The following PLD2 variants were observed in gnomAD, a reference collection of about 807,000 sequenced individuals.
PLD2 encodes choline phosphatase 2.
Under a neutral mutation model 119.8 loss-of-function variants are expected in PLD2, and 101 were observed. The ratio of observed to expected loss-of-function variants is 0.84; its 90% CI spans 0.72 to 0.99. The LOEUF is 0.99. Ranked by LOEUF, PLD2 falls within the 50% of genes least tolerant of loss-of-function variation. The pLI, the probability that PLD2 is intolerant of heterozygous loss-of-function variation, is 0.00. For missense variants in PLD2, 1,164 were observed against 1,226.8 expected, an observed-to-expected ratio of 0.95 and a Z score of 0.76; for synonymous variants, 494 against 482.8, an observed-to-expected ratio of 1.02 and a Z score of -0.30.
At chr17:4,816,556 G>A in intron 14 of PLD2, 64 bp from the exon 15 acceptor site, 1 of 1,549,982 alleles carries the variant, frequency 6.5e-7, no homozygotes, top group Non-Finnish European at 8.9e-7. Flanking sequence ...CCTCTCTTTG[G>A]CCCTGGCTCT....
chr17:4,813,113 G>T (rs1357314536), intron 10 of PLD2, among the ~76,000 whole-genome samples: 1 of 152,160 alleles, frequency 6.6e-6, no homozygotes. Context: ...GGGTTCAAGC[G>T]ATTCTCCTGC....
In PLD2 at chr17:4,808,015, T is replaced by G. The variant is rs1906046837; in HGVS notation, c.141T>G (p.Tyr47Ter). The change falls in exon 3 of 25, where the codon TAT (tyrosine) becomes TAG (stop). Residue 47 changes from tyrosine to a stop codon, truncating the protein, a stop_gained. Coordinates refer to ENST00000263088, the MANE Select transcript of PLD2 (RefSeq NM_002663.5). LOFTEE classifies it high-confidence loss of function. This position sits in a 1 kb window ranked among gnomAD's most constrained non-coding sequence, Gnocchi z 4.1. ...GGATGCACCCGTTTCTGGCCATCTATGAGCTTCAGTCTCTGAAAGTGCACC... is the reference window on the plus strand; with the variant it reads ...GGATGCACCCGTTTCTGGCCATCTAGGAGCTTCAGTCTCTGAAAGTGCACC... ...ADRMHPFLAI[Y>*]ELQSLKVHPL... The G allele has an allele frequency of 6.2e-7, 1 of 1,611,840 alleles. No homozygotes were observed. The highest frequency in any genetic ancestry group is 8.5e-7 in the Non-Finnish European group (1 of 1,178,142).
At position 4,814,435 on chromosome 17, in the gene PLD2, G is replaced by T; in HGVS notation, c.1028G>T (p.Gly343Val). ...CCCCCCAGGTTTGTGAATGGGGCAG[G>T]TTACTTTGCTGCTGTGGCAGATGCC... The part of the protein sequence containing the change: ...TLARWFVNGA[G>V]YFAAVADAIL... The change falls in exon 11 of 25, where the codon GGT (glycine) becomes GTT (valine). Residue 343 changes from glycine to valine, a missense_variant. By Grantham distance (109) the Gly-to-Val change is moderately radical. Coordinates refer to ENST00000263088, the MANE Select transcript of PLD2 (RefSeq NM_002663.5). 6.2e-7 allele frequency: 1 copy of T among 1,612,048 alleles called. No individual in the cohort carries two copies.
At chr17:4,816,394 A>AG (rs1004167699) in intron 14 of PLD2, among the ~76,000 whole-genome samples, 1 of 151,694 alleles carries the variant, frequency 6.6e-6, no homozygotes, top group African/African-American at 2.4e-5. Context: ...AAAAAAAAAA[A>AG]AAAAGTGCTG....
chr17:4,811,404 G>A lies in PLD2; in HGVS notation c.1010+453G>A, dbSNP rs1906460629. On this transcript the variant is annotated intron_variant, in intron 10 of 24. Coordinates refer to ENST00000263088, the MANE Select transcript of PLD2 (RefSeq NM_002663.5). ...CGATTCTTCTGCCTCAGCCTCCCGAGTAGCCGGGATTACAGGCGCCCACCA... is the reference window on the plus strand; with the variant it reads ...CGATTCTTCTGCCTCAGCCTCCCGAATAGCCGGGATTACAGGCGCCCACCA... Among the ~76,000 whole-genome samples, 6 of 147,186 alleles carry A rather than the reference G, an allele frequency of 4.1e-5. No homozygotes were observed. In the Admixed American group the frequency reaches 4.2e-4, roughly 10 times the overall value.
intron 10 of PLD2, among the ~76,000 whole-genome samples, chr17:4,812,869 T>C (rs1437911731): frequency 1.3e-5 from 2 of 152,066 alleles, no homozygotes; most frequent in Admixed American, 6.6e-5. Context: ...CAGGACATAT[T>C]GTTGTTACTG....
intron 16 of PLD2, 25 bp downstream of exon 16, chr17:4,817,080 T>A: frequency 6.2e-7 from 1 of 1,607,940 alleles, no homozygotes; most frequent in Non-Finnish European, 8.5e-7. Context: ...CGATAGGGGC[T>A]GGAGGTAGGG....
chr17:4,810,655 TAAATA>T, intron 9 of PLD2, 142 bp from the exon 10 acceptor site: 1 of 730,752 alleles, frequency 1.4e-6, no homozygotes, highest in Non-Finnish European at 2.1e-6. Context: ...CAAAAATAAA[TAAATA>T]AATAAGGCAG....
Position 4,809,344 on chromosome 17 carries a change from A to G in PLD2, c.536A>G (p.Tyr179Cys). The G allele has an allele frequency of 6.2e-7, 1 of 1,614,122 alleles. No homozygotes were observed. Among genetic ancestry groups the G allele is most frequent in the South Asian group, 1.1e-5 (1 of 91,084 alleles). Residue 179 changes from tyrosine to cysteine, a missense_variant, in exon 6 of 25, where the codon TAT (tyrosine) becomes TGT (cysteine). Tyr to Cys is a radical substitution (Grantham distance 194). Coordinates refer to ENST00000263088, the MANE Select transcript of PLD2 (RefSeq NM_002663.5). ...AACCGTCTCTTGACCATGTCTTTCTATCGCAACTACCATGCCATGGTAAGG... is the reference window on the plus strand; with the variant it reads ...AACCGTCTCTTGACCATGTCTTTCTGTCGCAACTACCATGCCATGGTAAGG... ...YLNRLLTMSF[Y>C]RNYHAMTEFL...
At chr17:4,809,589 C>T (rs768458195) in intron 7 of PLD2, 38 bp downstream of exon 7, 13 of 1,607,794 alleles carry the variant, frequency 8.1e-6, no homozygotes, top group Admixed American at 6.7e-5. Context: ...CATCCGTAGA[C>T]ATCACTCTTA....
chr17:4,820,749 TG>T (rs1907591393), intron 23 of PLD2, among the ~76,000 whole-genome samples: 1 of 147,822 alleles, frequency 6.8e-6, no homozygotes, highest in African/African-American at 2.5e-5. Flanking sequence ...GCTAATTTTT[TG>T]TATTTTTAGT....
chr17:4,813,419 AT>A (rs1457576873), intron 10 of PLD2, among the ~76,000 whole-genome samples: 2 of 152,200 alleles, frequency 1.3e-5, no homozygotes, highest in Non-Finnish European at 2.9e-5. Flanking sequence ...TGTGTGAGAG[AT>A]TAGACACTTA....
Position 4,808,226 on chromosome 17 carries a change from G to A in PLD2, c.241-48G>A, listed in dbSNP as rs149372919. The A allele has an allele frequency of 2.5e-5, 40 of 1,603,456 alleles. No homozygotes were observed. Among genetic ancestry groups the A allele is most frequent in the Admixed American group, 5.0e-5 (3 of 59,546 alleles). ...AAAGGAGGGCTGGCCAGAGTGGGGA[G>A]GCGGGGACCCACGCAGGGGACATCC... On this transcript the variant is annotated intron_variant, in intron 3 of 24. Coordinates refer to ENST00000263088, the MANE Select transcript of PLD2 (RefSeq NM_002663.5). The surrounding 1 kb of genome is among the most constrained non-coding windows in gnomAD (Gnocchi z 4.1).
At chr17:4,817,655 C>T (rs1366913469) in intron 17 of PLD2, among the ~76,000 whole-genome samples, 1 of 147,580 alleles carries the variant, frequency 6.8e-6, no homozygotes, top group African/African-American at 2.5e-5. Flanking sequence ...GAGTGAGACT[C>T]CATCTCAAAA....
intron 12 of PLD2, 128 bp downstream of exon 12, chr17:4,814,839 C>T (rs1289553278): frequency 1.3e-6 from 1 of 785,956 alleles, no homozygotes; most frequent in Non-Finnish European, 2.2e-6. Context: ...CATCCTGGCC[C>T]AGCACCTGTC....
At chr17:4,821,460 CA>C (rs2150682127) in intron 23 of PLD2, among the ~76,000 whole-genome samples, 1 of 151,964 alleles carries the variant, frequency 6.6e-6, no homozygotes, top group Non-Finnish European at 1.5e-5. Context: ...GTGGCGTTAC[CA>C]CGGCTCACTG....
At chr17:4,814,829 C>T in intron 12 of PLD2, 118 bp downstream of exon 12, 1 of 860,630 alleles carries the variant, frequency 1.2e-6, no homozygotes, top group Non-Finnish European at 1.9e-6. Context: ...GAAAAGTGTC[C>T]ATCCTGGCCC....
At chr17:4,816,006 A>C in intron 14 of PLD2, 72 bp downstream of exon 14, 1 of 1,132,100 alleles carries the variant, frequency 8.8e-7, no homozygotes, top group Non-Finnish European at 1.3e-6. Flanking sequence ...TCCCAGCTCC[A>C]GCCTTACCCC....
intron 9 of PLD2, 92 bp downstream of exon 9, chr17:4,810,121 G>A (rs1906307587): frequency 7.4e-7 from 1 of 1,345,704 alleles, no homozygotes; most frequent in Non-Finnish European, 1.0e-6. Flanking sequence ...ACAGGAGAGA[G>A]GAAGGCTTTT....
Sources: gnomAD v4.1 joint callset for allele counts (sites outside exome capture counted in the v4.1 genomes callset) on GRCh38, gnomAD v4.1.1 for gene constraint, Gnocchi (gnomAD v3.1) non-coding constraint, MANE v1.5 for transcripts, NCBI Gene and HGNC (gene_info 2026-07-23, HGNC 2026-07-21) for gene names.